Variants in NEU3 observed in about 807,000 individuals in gnomAD.
The protein encoded by NEU3 is sialidase-3.
In NEU3, 10 loss-of-function variants were observed where a neutral mutation model predicts 11.4. That is an observed-to-expected ratio of 0.88 (90% confidence interval 0.54 to 1.49). The LOEUF (loss-of-function observed/expected upper bound fraction) is 1.49. NEU3 is among the 40% of genes most tolerant of loss of function. NEU3 has a pLI of 0.00. For synonymous variants in NEU3, 212 were observed against 228.2 expected (o/e 0.93, Z 0.64); for missense variants, 529 against 581.8 (o/e 0.91, Z 0.93).
At position 75,005,801 on chromosome 11, in the gene NEU3, A is replaced by G; in HGVS notation, c.695A>G (p.His232Arg). ...CFQLPCKTRPHSLMIYSDDLG... is the reference protein window; with the variant it reads ...CFQLPCKTRPRSLMIYSDDLG... ...CAGCTACCATGTAAAACCAGGCCTC[A>G]TTCTCTGATGATCTACAGTGATGAC... The change falls in exon 3 of 3, where the codon CAT (histidine) becomes CGT (arginine). Residue 232 changes from histidine to arginine, a missense_variant. Physicochemically the swap from His to Arg is conservative, Grantham distance 29 (BLOSUM62 0). Coordinates refer to ENST00000294064, the MANE Select transcript of NEU3 (RefSeq NM_006656.6). 1 of 1,613,874 alleles carries G rather than the reference A, an allele frequency of 6.2e-7. No homozygotes were observed.
At chr11:74,987,342 G>A (rs2140228425), upstream of NEU3, among the ~76,000 whole-genome samples, 1 of 152,206 alleles carries the variant, frequency 6.6e-6, no homozygotes, top group East Asian at 1.9e-4. Context: ...TTTGGCCAGT[G>A]GAATCACCTT....
At chr11:75,000,215 T>G (rs143262772) in intron 2 of NEU3, among the ~76,000 whole-genome samples, 6 of 152,322 alleles carry the variant, frequency 3.9e-5, no homozygotes, top group African/African-American at 1.4e-4. Context: ...ACATTTGTTA[T>G]TCTTTTAAAA....
At chr11:75,017,711 G>T (rs1398895629) in intron 3 of NEU3, among the ~76,000 whole-genome samples, 1 of 152,144 alleles carries the variant, frequency 6.6e-6, no homozygotes. Flanking sequence ...CTGTGAGCCA[G>T]GCTGAGTTCT....
chr11:74,988,469 TC>T (rs1948691899), upstream of NEU3: 1 of 152,332 alleles, frequency 6.6e-6, no homozygotes, highest in African/African-American at 2.4e-5. Flanking sequence ...ATGTGACAAA[TC>T]TATGTATGTA....
In NEU3 at chr11:74,994,735, C is replaced by A. The variant is rs764482363; in HGVS notation, c.306+15C>A. On this transcript the variant is annotated intron_variant, in intron 2 of 2. Coordinates refer to ENST00000294064, the MANE Select transcript of NEU3 (RefSeq NM_006656.6). ...AGTTGGTACAGGTGACTCTTCATCCCAGATCTGAGTCTGGGCCTCAGTTTC... is the reference window on the plus strand; with the variant it reads ...AGTTGGTACAGGTGACTCTTCATCCAAGATCTGAGTCTGGGCCTCAGTTTC... The A allele has an allele frequency of 6.2e-7, 1 of 1,607,546 alleles. No homozygotes were observed. Among genetic ancestry groups the A allele is most frequent in the Non-Finnish European group, 8.5e-7 (1 of 1,173,932 alleles).
chr11:74,996,756 A>G (rs1948794035), intron 2 of NEU3, among the ~76,000 whole-genome samples: 1 of 152,242 alleles, frequency 6.6e-6, no homozygotes, highest in Non-Finnish European at 1.5e-5. Context: ...TTCTTAAATA[A>G]TGAAACTTGG....
intron 2 of NEU3, 30 bp downstream of exon 2, chr11:74,994,750 G>GCCT (rs774677023): frequency 2.5e-6 from 4 of 1,587,108 alleles, no homozygotes; most frequent in Non-Finnish European, 3.5e-6. Context: ...CTGAGTCTGG[G>GCCT]CCTCAGTTTC....
chr11:74,982,328 T>TA, the NEU3 span, among the ~76,000 whole-genome samples: 2 of 152,038 alleles, frequency 1.3e-5, no homozygotes, highest in Non-Finnish European at 1.5e-5. Context: ...GCTTAAAACT[T>TA]ACAGTGAGCA....
In NEU3 at chr11:74,989,202, G is replaced by C. The variant is rs770674885; in HGVS notation, c.94+48G>C. 18 of 1,443,140 alleles carry C rather than the reference G, an allele frequency of 1.2e-5. No homozygotes were observed. In the African/African-American group the frequency reaches 1.8e-4, roughly 15 times the overall value. 89.4% of individuals were successfully genotyped at this position (1,443,140 alleles called of 1,614,324 possible). A position where few individuals can be genotyped will look rare whatever the true frequency, so the allele number is the denominator to read the frequency against. On this transcript the variant is annotated intron_variant, in intron 1 of 2. Coordinates refer to ENST00000294064, the MANE Select transcript of NEU3 (RefSeq NM_006656.6). ...AGAGCTCCCCGAGGAGGACTCAACTGTGGGGACAGGTTGAGCAAGACCATC... is the reference window on the plus strand; with the variant it reads ...AGAGCTCCCCGAGGAGGACTCAACTCTGGGGACAGGTTGAGCAAGACCATC...
At position 75,007,707 on chromosome 11, in the gene NEU3, G is replaced by A. The variant is rs1261565546; in HGVS notation, c.*1215G>A. On this transcript the variant is annotated 3_prime_UTR_variant, in exon 3 of 3. Transcript: ENST00000294064. ...GATGCCTTTTTGTCTAATGGTTTTC[G>A]TGCTGAACTTAGTTCATGCTGAGTC... 2.6e-5 allele frequency: 4 copies of A among 152,102 alleles called. No homozygotes were observed. The highest frequency in any genetic ancestry group is 1.9e-4 in the East Asian group (1 of 5,190). 9.4% of individuals were successfully genotyped at this position (152,102 alleles called of 1,614,324 possible).
chr11:74,982,238 A>C, the NEU3 span, among the ~76,000 whole-genome samples: 1 of 152,124 alleles, frequency 6.6e-6, no homozygotes, highest in Non-Finnish European at 1.5e-5. Context: ...CTTATGGCCT[A>C]CACCCCCAAA....
upstream of NEU3, among the ~76,000 whole-genome samples, chr11:74,985,802 G>C (rs765545398): frequency 2.0e-5 from 3 of 152,212 alleles, no homozygotes; most frequent in Non-Finnish European, 4.4e-5. Flanking sequence ...TAATGTTTCT[G>C]TCCAGGGAGC....
intron 1 of NEU3, among the ~76,000 whole-genome samples, chr11:74,993,617 G>T (rs1948755289): frequency 6.6e-6 from 1 of 152,132 alleles, no homozygotes; most frequent in African/African-American, 2.4e-5. Context: ...GGGTGGACTA[G>T]TATCTTAATT....
At chr11:74,997,793 G>A (rs1948806002) in intron 2 of NEU3, among the ~76,000 whole-genome samples, 2 of 152,090 alleles carry the variant, frequency 1.3e-5, no homozygotes, top group East Asian at 3.9e-4. Flanking sequence ...AACACAGGAG[G>A]CGGGGGTTGC....
intron 2 of NEU3, among the ~76,000 whole-genome samples, chr11:74,995,788 G>GTATTATTATTAT (rs59676820): frequency 1.4e-5 from 2 of 147,298 alleles, no homozygotes; most frequent in African/African-American, 5.0e-5. Context: ...AAGATTTAGT[G>GTATTATTATTAT]TATTATTATT....
intron 1 of NEU3, among the ~76,000 whole-genome samples, chr11:74,993,396 G>A (rs1442574456): frequency 1.3e-5 from 2 of 152,070 alleles, no homozygotes. Flanking sequence ...AGTAGAGATG[G>A]GGTTTCACCA....
At chr11:74,986,142 TA>T (rs1948664381), upstream of NEU3, among the ~76,000 whole-genome samples, 1 of 152,264 alleles carries the variant, frequency 6.6e-6, no homozygotes, top group Admixed American at 6.5e-5. Context: ...TTTGTGAAGA[TA>T]ATTTAGATTG....
Position 75,006,176 on chromosome 11 carries a change from C to T in NEU3, c.1070C>T (p.Pro357Leu), listed in dbSNP as rs7936249. Residue 357 changes from proline to leucine, a missense_variant, in exon 3 of 3, where the codon CCG (proline) becomes CTG (leucine). By Grantham distance (98) the Pro-to-Leu change is moderately conservative. Coordinates refer to ENST00000294064, the MANE Select transcript of NEU3 (RefSeq NM_006656.6). ...AGGCTGGAGGAGGAAGCTGGAACAC[C>T]GTCAGAATCATGGCTCTTGTACTCA... is the stretch of plus-strand genomic sequence containing the variant. ...SLRLEEEAGT[P>L]SESWLLYSHP... The T allele has an allele frequency of 1.5e-4, 236 of 1,613,958 alleles. 1 individual carries two copies. Among genetic ancestry groups the T allele is most frequent in the African/African-American group, 1.4e-3 (104 of 75,010 alleles).
chr11:75,004,351 C>G, intron 2 of NEU3: 1 of 655,888 alleles, frequency 1.5e-6, no homozygotes, highest in Non-Finnish European at 2.7e-6. Context: ...AACTCCTGGA[C>G]TCAAGCTATT....
Sources: allele counts gnomAD v4.1 joint callset (sites outside exome capture counted in the v4.1 genomes callset), GRCh38; gene constraint gnomAD v4.1.1; transcripts MANE v1.5; gene names NCBI Gene and HGNC (gene_info 2026-07-23, HGNC 2026-07-21).